HIF3A: variants seen among roughly 807,000 people sequenced by gnomAD.
HIF3A encodes hypoxia-inducible factor 3-alpha.
A neutral mutation model predicts 67.2 loss-of-function variants in HIF3A; 41 were observed. That is an observed-to-expected ratio of 0.61 (90% CI 0.48 to 0.79). The LOEUF is 0.79. Among genes scored for constraint, HIF3A ranks in the 30% least tolerant of loss-of-function variants. The pLI, the probability that HIF3A is intolerant of heterozygous loss-of-function variation, is 0.00. For synonymous variants in HIF3A, 356 were observed against 374.8 expected (o/e 0.95, Z 0.58); for missense variants, 855 against 898.0 (o/e 0.95, Z 0.61).
chr19:46,332,738 C>G (rs945117877), intron 13 of HIF3A, among the ~76,000 whole-genome samples: 1 of 152,142 alleles, frequency 6.6e-6, no homozygotes, highest in Non-Finnish European at 1.5e-5. Flanking sequence ...AATCCCAGCA[C>G]TTTGGGAGGA....
intron 14 of HIF3A, among the ~76,000 whole-genome samples, chr19:46,335,490 G>A (rs1028312040): frequency 6.1e-4 from 92 of 152,058 alleles, no homozygotes; most frequent in African/African-American, 1.5e-3. Flanking sequence ...GGCTGGTCTC[G>A]AACTCCTGAC....
rs1241913991 is a variant in HIF3A at position 46,309,103 on chromosome 19, C to CT, written c.562-47dup. On this transcript the variant is annotated intron_variant, in intron 5 of 14. Coordinates refer to ENST00000377670, the MANE Select transcript of HIF3A (RefSeq NM_152795.4). ...CGCATCTTCCAACCCCATGGGTGGT[C>CT]TCAGGCCCAGAGGCACCACTGCCTT... The CT allele has an allele frequency of 6.5e-6, 10 of 1,533,968 alleles. No individual in the cohort carries two copies. The African/African-American group carries it at 6.8e-5, about 10-fold the overall frequency.
chr19:46,325,455 C>T (rs1056609670), intron 10 of HIF3A, 80 bp from the exon 11 acceptor site: 2 of 983,640 alleles, frequency 2.0e-6, no homozygotes, highest in Non-Finnish European at 3.2e-6. Flanking sequence ...CCCACTTCTA[C>T]CCTTGAGCTG....
Position 46,303,898 on chromosome 19 carries a change from G to T in HIF3A, c.27G>T (p.Arg9Ser), listed in dbSNP as rs778626472. 4.4e-6 allele frequency: 7 copies of T among 1,607,626 alleles called. No homozygotes were observed. Among genetic ancestry groups the T allele is most frequent in the Non-Finnish European group, 5.9e-6 (7 of 1,177,486 alleles). The part of the protein sequence containing the change: MALGLQRA[R>S]STTELRKEKS... ...CAGTGAATGCTGCCCATGCCCTCAG[G>T]TCGACCACGGAGCTGCGCAAGGAAA... Residue 9 changes from arginine (R) to serine (S), a missense_variant and splice_region_variant, in exon 2 of 15, where the codon AGG (arginine) becomes AGT (serine). Physicochemically the swap from Arg to Ser is moderately radical, Grantham distance 110. This residue lies in a region of HIF3A where 638 missense variants were observed against 660.5 expected (regional missense o/e 0.97). Coordinates refer to ENST00000377670, the MANE Select transcript of HIF3A (RefSeq NM_152795.4).
At chr19:46,314,250 C>T (rs988711212) in intron 8 of HIF3A, among the ~76,000 whole-genome samples, 3 of 147,056 alleles carry the variant, frequency 2.0e-5, no homozygotes, top group Admixed American at 7.2e-5. Flanking sequence ...CAGTGGCTCA[C>T]GCCTGTAATC....
intron 13 of HIF3A, 42 bp from the exon 14 acceptor site, chr19:46,334,863 A>AATG (rs141428520): frequency 4.6e-6 from 7 of 1,506,414 alleles, no homozygotes; most frequent in Middle Eastern, 1.7e-4. Context: ...CTTGGATACT[A>AATG]ATGATGATGA....
intron 6 of HIF3A, among the ~76,000 whole-genome samples, chr19:46,311,882 A>G (rs897327700): frequency 2.0e-5 from 3 of 152,082 alleles, no homozygotes; most frequent in African/African-American, 7.2e-5. Flanking sequence ...AACAAAACAA[A>G]CAAAAAACTT....
chr19:46,304,342 G>T (rs1057080249), intron 2 of HIF3A, among the ~76,000 whole-genome samples: 1 of 151,360 alleles, frequency 6.6e-6, no homozygotes, highest in African/African-American at 2.4e-5. Context: ...CCCCTGGAAC[G>T]CGCCCTTTGG....
intron 3 of HIF3A, among the ~76,000 whole-genome samples, chr19:46,307,395 A>T (rs1484006363): frequency 1.3e-5 from 2 of 152,084 alleles, no homozygotes; most frequent in Non-Finnish European, 2.9e-5. Context: ...TGAGCTCAGG[A>T]GTTTGAGACC....
At chr19:46,308,914 C>A in intron 5 of HIF3A, 139 bp downstream of exon 5, 1 of 676,550 alleles carries the variant, frequency 1.5e-6, no homozygotes, top group Non-Finnish European at 2.5e-6. Context: ...TCTAGCGGGT[C>A]TCAGGGCATC....
intron 3 of HIF3A, 117 bp from the exon 4 acceptor site, chr19:46,308,104 G>T: frequency 1.3e-6 from 1 of 782,762 alleles, no homozygotes; most frequent in South Asian, 1.4e-5. Context: ...ATGGATAAAT[G>T]AATGGGGAGA....
chr19:46,303,802 G>A (rs1968550997), intron 1 of HIF3A, 96 bp from the exon 2 acceptor site: 3 of 1,513,534 alleles, frequency 2.0e-6, no homozygotes, highest in South Asian at 1.2e-5. Context: ...AGCACTCCAC[G>A]AGCCCCGGCC....
intron 1 of HIF3A, 141 bp from the exon 2 acceptor site, chr19:46,303,757 A>G (rs1968543832): frequency 1.3e-6 from 2 of 1,502,764 alleles, no homozygotes; most frequent in South Asian, 2.4e-5. Context: ...CGAACTCGAC[A>G]GGGCCACACA....
chr19:46,341,065 GC>G lies in HIF3A; in HGVS notation c.*1446del, dbSNP rs1224770281. 2 of 151,888 alleles carry G rather than the reference GC, an allele frequency of 1.3e-5. No individual in the cohort carries two copies. Among genetic ancestry groups the G allele is most frequent in the Non-Finnish European group, 2.9e-5 (2 of 67,994 alleles). The allele number at this position is 151,888 out of a possible 1,614,324, so 9.4% of individuals were successfully genotyped here. ...TGTTTTAGATCTCACACCCTCCAAC[GC>G]CCTCCGGTTCCAGATCTTATATTCA... On this transcript the variant is annotated 3_prime_UTR_variant, in exon 15 of 15. Transcript: ENST00000377670.
chr19:46,339,556 A>G lies in HIF3A; in HGVS notation c.1944A>G (p.Ser648=). The change falls in exon 15 of 15, where the codon TCA becomes TCG. Residue 648 remains serine, a synonymous_variant. Coordinates refer to ENST00000377670, the MANE Select transcript of HIF3A (RefSeq NM_152795.4). Reference sequence around the variant, plus strand: ...GCCCCTCACTGCTCTCTCCGTACTCAGACGAGGACACTACCCAGCCCGGGG... The same window carrying G: ...GCCCCTCACTGCTCTCTCCGTACTCGGACGAGGACACTACCCAGCCCGGGG... ...GLGPSLLSPY[S]DEDTTQPGGP... The G allele has an allele frequency of 6.2e-7, 1 of 1,607,864 alleles. No individual in the cohort carries two copies. Among genetic ancestry groups the G allele is most frequent in the Non-Finnish European group, 8.5e-7 (1 of 1,176,374 alleles).
At chr19:46,320,587 GGGGTTGTGTCCCCA>G (rs1248050420) in intron 9 of HIF3A, 26 bp downstream of exon 9, 13 of 1,576,770 alleles carry the variant, frequency 8.2e-6, no homozygotes, top group Non-Finnish European at 1.1e-5. Flanking sequence ...GGGGCCGGGA[GGGGTTGTGTCCCCA>G]GGGCCCTTGG....
chr19:46,300,876 T>C (rs1025044749), intron 1 of HIF3A, among the ~76,000 whole-genome samples: 1 of 152,118 alleles, frequency 6.6e-6, no homozygotes, highest in Non-Finnish European at 1.5e-5. Context: ...AGCCACCAGC[T>C]GGCTCCTTCT....
At chr19:46,338,149 C>T (rs1290113195) in intron 14 of HIF3A, 1 of 453,252 alleles carries the variant, frequency 2.2e-6, no homozygotes, top group Non-Finnish European at 4.4e-6. Flanking sequence ...ACTGCTGTGT[C>T]TCTAGCACCT....
At chr19:46,323,857 C>T (rs1022089344) in intron 10 of HIF3A, among the ~76,000 whole-genome samples, 2 of 152,078 alleles carry the variant, frequency 1.3e-5, no homozygotes, top group Non-Finnish European at 2.9e-5. Flanking sequence ...TTCACTATCA[C>T]GAGGACAGTA....
Sources: allele counts gnomAD v4.1 joint callset (sites outside exome capture counted in the v4.1 genomes callset), GRCh38; gene constraint gnomAD v4.1.1; regional missense constraint gnomAD v4.1.1; transcripts MANE v1.5; gene names NCBI Gene and HGNC (gene_info 2026-07-23, HGNC 2026-07-21).